CFAP54: variants seen among roughly 807,000 people sequenced by gnomAD.
The protein encoded by CFAP54 is cilia and flagella associated protein 54.
In CFAP54, 290 loss-of-function variants were observed where a neutral mutation model predicts 370.4. The observed-to-expected ratio is 0.78, with a 90% CI of 0.71 to 0.86. CFAP54 has a LOEUF of 0.86. CFAP54 is among the 40% of genes least tolerant of loss of function. CFAP54 has a pLI of 0.00. For missense variants in CFAP54, 3,399 were observed against 3,528.7 expected (o/e 0.96, Z 0.93); for synonymous variants, 1,206 against 1,236.5 (o/e 0.98, Z 0.52).
intron 67 of CFAP54, among the ~76,000 whole-genome samples, chr12:96,872,094 G>T (rs1389748767): frequency 6.6e-6 from 1 of 151,998 alleles, no homozygotes; most frequent in Non-Finnish European, 1.5e-5. Flanking sequence ...TGAACTCCAA[G>T]CATGATAAAT....
intron 30 of CFAP54, among the ~76,000 whole-genome samples, chr12:96,627,732 G>A (rs189698720): frequency 2.0e-5 from 3 of 152,238 alleles, no homozygotes; most frequent in South Asian, 2.1e-4. Context: ...GAAACAGGCC[G>A]TGATAATAAC....
At chr12:96,658,439 T>C in intron 38 of CFAP54, 93 bp downstream of exon 38, 5 of 1,405,642 alleles carry the variant, frequency 3.6e-6, no homozygotes, top group East Asian at 2.3e-5. Context: ...ATAAATCTTA[T>C]TATTTCTGCT....
intron 46 of CFAP54, among the ~76,000 whole-genome samples, chr12:96,703,822 A>G (rs1274332467): frequency 1.3e-5 from 2 of 152,088 alleles, no homozygotes; most frequent in African/African-American, 4.8e-5. Context: ...ATTGAGCCAG[A>G]CTCTTTCAAT....
At position 96,623,698 on chromosome 12, in the gene CFAP54, AT is replaced by A. The variant is rs570916424; in HGVS notation, c.3772-68del. On this transcript the variant is annotated intron_variant, in intron 27 of 67. Coordinates refer to ENST00000524981, the MANE Select transcript of CFAP54 (RefSeq NM_001306084.2). ...AAAGTATGAAAACATAATTTAAAGA[AT>A]GTTGTTTGAAAAGGACAGTTGTTGC... is the stretch of plus-strand genomic sequence containing the variant. 1.1e-4 allele frequency: 83 copies of A among 726,804 alleles called. 1 individual carries two copies. The highest frequency in any genetic ancestry group is 9.1e-4 in the African/African-American group (51 of 56,156). 45.0% of individuals were successfully genotyped at this position (726,804 alleles called of 1,614,324 possible).
chr12:96,771,618 C>G (rs546490567), intron 60 of CFAP54, among the ~76,000 whole-genome samples: 57 of 152,288 alleles, frequency 3.7e-4, no homozygotes, highest in African/African-American at 1.2e-3. Flanking sequence ...CGCCACTGCA[C>G]TCCGGCCTGG....
At chr12:96,605,870 C>G (rs1035126394) in intron 26 of CFAP54, among the ~76,000 whole-genome samples, 1 of 152,094 alleles carries the variant, frequency 6.6e-6, no homozygotes, top group South Asian at 2.1e-4. Flanking sequence ...ATGCTCTGAG[C>G]AAGAGTTACA....
chr12:96,672,737 T>A (rs1957163516), intron 39 of CFAP54, among the ~76,000 whole-genome samples: 2 of 152,214 alleles, frequency 1.3e-5, no homozygotes, highest in Non-Finnish European at 2.9e-5. Context: ...TACTTTGGGA[T>A]CCATAACTCA....
At chr12:96,712,368 A>G (rs993213341) in intron 48 of CFAP54, among the ~76,000 whole-genome samples, 2 of 152,126 alleles carry the variant, frequency 1.3e-5, no homozygotes, top group African/African-American at 4.8e-5. Flanking sequence ...GTACCAGGTT[A>G]TGATTCTTTT....
At chr12:96,544,827 C>T (rs201179893) in intron 14 of CFAP54, among the ~76,000 whole-genome samples, 3 of 151,984 alleles carry the variant, frequency 2.0e-5, no homozygotes, top group African/African-American at 7.2e-5. Flanking sequence ...TTCTTACTCA[C>T]GGAGACTTTC....
intron 26 of CFAP54, among the ~76,000 whole-genome samples, chr12:96,619,159 C>T (rs948889628): frequency 7.9e-5 from 12 of 152,166 alleles, no homozygotes; most frequent in African/African-American, 2.7e-4. Flanking sequence ...CCACGGCAAC[C>T]AGCCTGAATG....
At position 96,533,856 on chromosome 12, in the gene CFAP54, A is replaced by G; in HGVS notation, c.1422A>G (p.Ile474Met). The G allele has an allele frequency of 2.0e-6, 3 of 1,534,998 alleles. No individual in the cohort carries two copies. The highest frequency in any genetic ancestry group is 2.4e-5 in the East Asian group (1 of 40,866). The change falls in exon 10 of 68, where the codon ATA becomes ATG. Residue 474 changes from isoleucine to methionine, a missense_variant. Physicochemically the swap from Ile to Met is conservative, Grantham distance 10. Transcript: ENST00000524981. ...FPKTSLLELM[I>M]GRKDVISVDA... ...AAACATCTCTTCTGGAACTTATGAT[A>G]GGAAGAAAAGATGTTATTTCTGTGG...
At chr12:96,596,877 A>G (rs370332744) in intron 25 of CFAP54, among the ~76,000 whole-genome samples, 1 of 152,134 alleles carries the variant, frequency 6.6e-6, no homozygotes, top group Non-Finnish European at 1.5e-5. Flanking sequence ...TAAGCAGTTC[A>G]CAGGAGAGCA....
chr12:96,742,631 A>C, intron 52 of CFAP54, 45 bp downstream of exon 52: 1 of 1,542,352 alleles, frequency 6.5e-7, no homozygotes, highest in Non-Finnish European at 8.8e-7. Flanking sequence ...AATTAATTTT[A>C]CATAGGTGAA....
intron 15 of CFAP54, among the ~76,000 whole-genome samples, chr12:96,552,623 C>T (rs557767094): frequency 3.9e-5 from 6 of 152,248 alleles, no homozygotes; most frequent in South Asian, 2.1e-4. Flanking sequence ...GGGTTACAGG[C>T]GTGAGCCACC....
At chr12:96,844,356 A>G (rs953889188) in intron 66 of CFAP54, among the ~76,000 whole-genome samples, 3 of 152,156 alleles carry the variant, frequency 2.0e-5, no homozygotes, top group African/African-American at 7.2e-5. Context: ...GTGATGAGCC[A>G]TGAAGGTGAA....
intron 43 of CFAP54, among the ~76,000 whole-genome samples, chr12:96,689,322 A>G (rs1444707586): frequency 1.3e-5 from 2 of 152,030 alleles, no homozygotes; most frequent in Non-Finnish European, 2.9e-5. Context: ...CACCACACCC[A>G]GCTAATTTCT....
chr12:96,683,031 C>A (rs574347258), intron 40 of CFAP54, among the ~76,000 whole-genome samples: 1 of 152,156 alleles, frequency 6.6e-6, no homozygotes, highest in African/African-American at 2.4e-5. Context: ...TACGATAGAC[C>A]CAATGTTCTC....
At chr12:96,529,851 A>G (rs1157619870) in intron 9 of CFAP54, among the ~76,000 whole-genome samples, 2 of 152,178 alleles carry the variant, frequency 1.3e-5, no homozygotes, top group Non-Finnish European at 2.9e-5. Flanking sequence ...CAATTTATCA[A>G]TATATCCTAT....
At chr12:96,732,349 C>T (rs1186578139) in intron 50 of CFAP54, among the ~76,000 whole-genome samples, 1 of 152,104 alleles carries the variant, frequency 6.6e-6, no homozygotes, top group African/African-American at 2.4e-5. Context: ...CCAGGCTGGT[C>T]TCAAACTTCT....
Sources: gnomAD v4.1 joint callset for allele counts (sites outside exome capture counted in the v4.1 genomes callset) on GRCh38, gnomAD v4.1.1 for gene constraint, MANE v1.5 for transcripts, NCBI Gene and HGNC (gene_info 2026-07-23, HGNC 2026-07-21) for gene names.